CSMD3: variants seen among roughly 807,000 people sequenced by gnomAD.
The protein encoded by CSMD3 is CUB and sushi domain-containing protein 3.
A neutral mutation model predicts 435.2 loss-of-function variants in CSMD3; 177 were observed. That is an observed-to-expected ratio of 0.41 (90% CI 0.36 to 0.46). The LOEUF is 0.46. CSMD3 is among the 20% of genes least tolerant of loss of function. CSMD3 has a pLI of 0.34. For synonymous variants in CSMD3, 1,656 were observed against 1,520.5 expected, an observed-to-expected ratio of 1.09 and a Z score of -2.07; for missense variants, 4,265 against 4,504.6, an observed-to-expected ratio of 0.95 and a Z score of 1.52.
chr8:112,682,535 C>T lies in CSMD3; in HGVS notation c.2584G>A (p.Glu862Lys), dbSNP rs749902871. The T allele has an allele frequency of 1.2e-6, 2 of 1,613,568 alleles. No individual in the cohort carries two copies. Among genetic ancestry groups the T allele is most frequent in the Non-Finnish European group, 1.7e-6 (2 of 1,179,590 alleles). ...GTTCCCTGGGTTTTAATAAATCCTT[C>T]TTCACAAATAACTGAAATTGAACTT... is the stretch of plus-strand genomic sequence containing the variant. The part of the protein sequence containing the change: ...LGSSISVICE[E>K]GFIKTQGTET... The change falls in exon 16 of 71, where the codon GAA becomes AAA. Residue 862 changes from glutamate to lysine, a missense_variant. Physicochemically the swap from Glu to Lys is moderately conservative, Grantham distance 56. This residue lies in a region of CSMD3 where 279 missense variants were observed against 369.0 expected (regional missense o/e 0.76). Transcript: ENST00000297405.
chr8:113,341,021 T>C (rs2094115197), intron 1 of CSMD3, among the ~76,000 whole-genome samples: 1 of 152,112 alleles, frequency 6.6e-6, no homozygotes, highest in African/African-American at 2.4e-5. Context: ...CCAACATAAA[T>C]TTTGGAGGTG....
At chr8:113,048,419 C>G (rs6982602) in intron 5 of CSMD3, among the ~76,000 whole-genome samples, 103,442 of 152,052 alleles carry the variant, frequency 0.68, 37,019 homozygotes, top group East Asian at 0.95. Context: ...TCGGAAAAAT[C>G]AGTGGCAATA....
chr8:112,298,680 T>C (rs1820581505), intron 53 of CSMD3, among the ~76,000 whole-genome samples: 1 of 152,134 alleles, frequency 6.6e-6, no homozygotes, highest in Admixed American at 6.5e-5. Flanking sequence ...AAGGAAAATT[T>C]ACAAATAGCC....
At chr8:112,286,444 C>G (rs894821625) in intron 58 of CSMD3, among the ~76,000 whole-genome samples, 9 of 152,032 alleles carry the variant, frequency 5.9e-5, no homozygotes, top group Non-Finnish European at 1.2e-4. Flanking sequence ...GGGTACCTAC[C>G]CTGTATATGA....
chr8:112,441,665 T>A (rs1563949929), intron 32 of CSMD3, among the ~76,000 whole-genome samples: 1 of 152,150 alleles, frequency 6.6e-6, no homozygotes, highest in Admixed American at 6.5e-5. Context: ...TTTACAATCA[T>A]GGCAGAAGCA....
intron 10 of CSMD3, among the ~76,000 whole-genome samples, chr8:112,909,264 G>A (rs1329756902): frequency 1.3e-5 from 2 of 151,442 alleles, no homozygotes; most frequent in African/African-American, 4.8e-5. Context: ...CGTTTTTTCA[G>A]ATGAGAAACA....
At chr8:112,265,693 G>C in intron 59 of CSMD3, 103 bp from the exon 60 acceptor site, 1 of 832,258 alleles carries the variant, frequency 1.2e-6, no homozygotes, top group Non-Finnish European at 2.1e-6. Flanking sequence ...AGGAAAATTA[G>C]TTATCGTGTT....
chr8:112,921,372 A>T (rs1487578757), intron 10 of CSMD3, among the ~76,000 whole-genome samples: 2 of 151,998 alleles, frequency 1.3e-5, no homozygotes. Flanking sequence ...AAAAATGCCG[A>T]CAATGTTTCC....
chr8:112,358,286 G>A (rs192359884), intron 38 of CSMD3, among the ~76,000 whole-genome samples: 1 of 152,238 alleles, frequency 6.6e-6, no homozygotes, highest in Non-Finnish European at 1.5e-5. Flanking sequence ...TGATTTTACT[G>A]GCTCATAGAT....
intron 1 of CSMD3, 59 bp downstream of exon 1, chr8:113,436,618 C>T (rs2130147942): frequency 6.8e-7 from 1 of 1,475,172 alleles, no homozygotes; most frequent in Non-Finnish European, 9.5e-7. Flanking sequence ...CAGCCTCTCT[C>T]CATCTACAAG....
Position 112,671,827 on chromosome 8 carries a change from T to C in CSMD3, c.2678-5412A>G, listed in dbSNP as rs559582204. Among the ~76,000 whole-genome samples the C allele has an allele frequency of 1.1e-4, 17 of 152,194 alleles. No homozygotes were observed. In the South Asian group the frequency reaches 2.7e-3, roughly 24 times the overall value. Reference sequence around the variant, plus strand: ...ACCATTGGTTTAGTGAAGACAGAAATAGATGAAAAGTCAGGGGGTAGAATA... The same window carrying C: ...ACCATTGGTTTAGTGAAGACAGAAACAGATGAAAAGTCAGGGGGTAGAATA... On this transcript the variant is annotated intron_variant, in intron 16 of 70. Coordinates refer to ENST00000297405, the MANE Select transcript of CSMD3 (RefSeq NM_198123.2).
chr8:113,278,445 A>G, intron 3 of CSMD3, 147 bp downstream of exon 3: 1 of 637,792 alleles, frequency 1.6e-6, no homozygotes, highest in Non-Finnish European at 2.9e-6. Flanking sequence ...ATTTTACTAT[A>G]CATTAATGAT....
At chr8:112,928,384 C>T (rs921937800) in intron 9 of CSMD3, among the ~76,000 whole-genome samples, 2 of 152,132 alleles carry the variant, frequency 1.3e-5, no homozygotes, top group South Asian at 2.1e-4. Context: ...GAGTCCTTTT[C>T]GTTAACCTCC....
chr8:112,937,923 G>A (rs564554877), intron 9 of CSMD3, among the ~76,000 whole-genome samples: 1 of 152,068 alleles, frequency 6.6e-6, no homozygotes, highest in Non-Finnish European at 1.5e-5. Flanking sequence ...AATAAATACT[G>A]AGCAGAAAGA....
chr8:112,506,234 A>G (rs1405937886), intron 29 of CSMD3, among the ~76,000 whole-genome samples: 1 of 152,182 alleles, frequency 6.6e-6, no homozygotes, highest in Admixed American at 6.6e-5. Flanking sequence ...AACTGGCCTC[A>G]GTACGTTAGA....
chr8:112,262,948 C>G (rs746343594), intron 61 of CSMD3, among the ~76,000 whole-genome samples: 1 of 152,062 alleles, frequency 6.6e-6, no homozygotes, highest in African/African-American at 2.4e-5. Flanking sequence ...CCTCCTCTAT[C>G]CCATGCTGGG....
chr8:112,383,148 T>C (rs1179643666), intron 37 of CSMD3, among the ~76,000 whole-genome samples: 2 of 152,212 alleles, frequency 1.3e-5, no homozygotes, highest in African/African-American at 4.8e-5. Flanking sequence ...AATTCTGTAT[T>C]CTCTTTATTC....
intron 3 of CSMD3, among the ~76,000 whole-genome samples, chr8:113,266,133 T>C (rs2093468663): frequency 6.7e-6 from 1 of 149,750 alleles, no homozygotes; most frequent in Non-Finnish European, 1.5e-5. Flanking sequence ...TTCATGATAC[T>C]GCCACTTAGA....
At chr8:112,420,712 T>C (rs893989815) in intron 32 of CSMD3, among the ~76,000 whole-genome samples, 1 of 152,164 alleles carries the variant, frequency 6.6e-6, no homozygotes, top group African/African-American at 2.4e-5. Flanking sequence ...AGAGTTAATT[T>C]TATAAGGTTA....
Sources: allele counts gnomAD v4.1 joint callset (sites outside exome capture counted in the v4.1 genomes callset), GRCh38; gene constraint gnomAD v4.1.1; regional missense constraint gnomAD v4.1.1; transcripts MANE v1.5; gene names NCBI Gene and HGNC (gene_info 2026-07-23, HGNC 2026-07-21).